Variants in NFIB observed in about 807,000 individuals in gnomAD.
The protein encoded by NFIB is nuclear factor 1 B-type.
In NFIB, 11 loss-of-function variants were observed where a neutral mutation model predicts 61.5. The observed-to-expected ratio is 0.18, with a 90% CI of 0.11 to 0.30. The LOEUF (loss-of-function observed/expected upper bound fraction) is 0.30. Ranked by LOEUF, NFIB falls within the 10% of genes least tolerant of loss-of-function variation. The pLI is 1.00. For missense variants in NFIB, 471 were observed against 608.9 expected, an observed-to-expected ratio of 0.77 and a Z score of 2.38; for synonymous variants, 260 against 216.5, an observed-to-expected ratio of 1.20 and a Z score of -1.76.
At chr9:14,432,436 G>T in the NFIB span, among the ~76,000 whole-genome samples, 1 of 152,220 alleles carries the variant, frequency 6.6e-6, no homozygotes, top group Non-Finnish European at 1.5e-5. Context: ...AGTACATGTT[G>T]TTTCTTTAGC....
chr9:14,131,453 T>C (rs1157206954), intron 6 of NFIB, among the ~76,000 whole-genome samples: 2 of 152,128 alleles, frequency 1.3e-5, no homozygotes, highest in African/African-American at 4.8e-5. Context: ...CTTAAGCAAA[T>C]AAAGAGTTAG....
At chr9:14,483,912 G>A in the NFIB span, among the ~76,000 whole-genome samples, 58 of 152,296 alleles carry the variant, frequency 3.8e-4, no homozygotes, top group African/African-American at 1.3e-3. Context: ...CTTGGCACAA[G>A]GCAGATCATC....
At chr9:14,420,949 G>T in the NFIB span, among the ~76,000 whole-genome samples, 1 of 151,718 alleles carries the variant, frequency 6.6e-6, no homozygotes, top group Admixed American at 6.6e-5. Flanking sequence ...CTGAGAGTAA[G>T]CCATTTTTTT....
intron 2 of NFIB, among the ~76,000 whole-genome samples, chr9:14,219,381 T>TAAACAAAAA: frequency 1.4e-5 from 1 of 73,504 alleles, no homozygotes; most frequent in Non-Finnish European, 2.4e-5. Flanking sequence ...AGCACTAGGG[T>TAAACAAAAA]AAAAAAAAAA....
the NFIB span, among the ~76,000 whole-genome samples, chr9:14,425,607 A>ATTTTTT: frequency 3.0e-5 from 3 of 99,048 alleles, no homozygotes; most frequent in Non-Finnish European, 4.0e-5. Context: ...TTGCTACATA[A>ATTTTTT]TTTTTTTTTT....
chr9:14,377,431 C>T (rs1473273489), intron 1 of NFIB, among the ~76,000 whole-genome samples: 1 of 152,088 alleles, frequency 6.6e-6, no homozygotes, highest in Admixed American at 6.5e-5. Context: ...ATTGTCTATG[C>T]TTGTCTCTAT....
chr9:14,307,043 T>C lies in NFIB; in HGVS notation c.508A>G (p.Thr170Ala). ...AAATCAAGCTCCTTAACTGATACTG[T>C]GATATGATGTGGCTGGACACAAAGT... is the stretch of plus-strand genomic sequence containing the variant. ...PALCVQPHHITVSVKELDLFL... is the reference protein window; with the variant it reads ...PALCVQPHHIAVSVKELDLFL... The change falls in exon 2 of 11, where the codon ACA becomes GCA. Residue 170 changes from threonine (T) to alanine (A), a missense_variant. Transcript: ENST00000380953. This position sits in a 1 kb window ranked among gnomAD's most constrained non-coding sequence, Gnocchi z 5.3. 6.2e-7 allele frequency: 1 copy of C among 1,614,170 alleles called. No individual in the cohort carries two copies. The highest frequency in any genetic ancestry group is 8.5e-7 in the Non-Finnish European group (1 of 1,180,022).
chr9:14,172,804 C>G (rs1347999472), intron 3 of NFIB, among the ~76,000 whole-genome samples: 1 of 151,704 alleles, frequency 6.6e-6, no homozygotes, highest in Non-Finnish European at 1.5e-5. Context: ...GAGTCTCACT[C>G]TGCCACCCAG....
chr9:14,166,208 A>G (rs969770381), intron 3 of NFIB, among the ~76,000 whole-genome samples: 1 of 152,092 alleles, frequency 6.6e-6, no homozygotes, highest in Non-Finnish European at 1.5e-5. Flanking sequence ...TTTTATTCAT[A>G]TATTTATGGT....
the NFIB span, among the ~76,000 whole-genome samples, chr9:14,414,512 T>A: frequency 1.3e-5 from 1 of 74,968 alleles, no homozygotes; most frequent in Non-Finnish European, 2.6e-5. Context: ...ACGTTTTGTA[T>A]TTTTTTTTTT....
the NFIB span, among the ~76,000 whole-genome samples, chr9:14,434,763 G>A: frequency 1.3e-5 from 2 of 152,190 alleles, no homozygotes; most frequent in Non-Finnish European, 2.9e-5. Context: ...ACTTGAAGTA[G>A]TAAGTAGTCT....
At chr9:14,099,706 T>C (rs985948554) in intron 10 of NFIB, among the ~76,000 whole-genome samples, 1 of 152,210 alleles carries the variant, frequency 6.6e-6, no homozygotes. Flanking sequence ...ATAATATCTG[T>C]TCAATGTAGA....
intron 1 of NFIB, among the ~76,000 whole-genome samples, chr9:14,384,596 T>C (rs531710309): frequency 6.6e-6 from 1 of 152,362 alleles, no homozygotes; most frequent in African/African-American, 2.4e-5. Context: ...ACATTACAAA[T>C]GACTACGTTG....
At chr9:14,166,277 ATTCAAGTAACATTTT>A (rs1197169002) in intron 3 of NFIB, among the ~76,000 whole-genome samples, 15 of 152,294 alleles carry the variant, frequency 9.8e-5, no homozygotes, top group Admixed American at 6.5e-4. Context: ...CAGAATAGGT[ATTCAAGTAACATTTT>A]TGCAAATAAA....
chr9:14,189,509 A>G (rs546139691), intron 2 of NFIB, among the ~76,000 whole-genome samples: 1 of 152,238 alleles, frequency 6.6e-6, no homozygotes, highest in South Asian at 2.1e-4. Context: ...ACAACAGTGA[A>G]ATATGCACAA....
At chr9:14,503,611 G>C in the NFIB span, among the ~76,000 whole-genome samples, 1 of 152,030 alleles carries the variant, frequency 6.6e-6, no homozygotes, top group South Asian at 2.1e-4. Flanking sequence ...TATGCTTCTT[G>C]GCCACTTGTA....
upstream of NFIB, chr9:14,314,595 T>C (rs1185264888): frequency 6.6e-6 from 1 of 151,808 alleles, no homozygotes; most frequent in Non-Finnish European, 1.5e-5. Context: ...TCTCTCCAAA[T>C]CAGACTTAAG....
At chr9:14,350,520 G>T (rs927781691) in intron 1 of NFIB, among the ~76,000 whole-genome samples, 1 of 151,552 alleles carries the variant, frequency 6.6e-6, no homozygotes, top group East Asian at 1.9e-4. Context: ...GGGGTGGGGG[G>T]GGAAGTTGGG....
chr9:14,229,319 A>G (rs1219053782), intron 2 of NFIB, among the ~76,000 whole-genome samples: 2 of 152,208 alleles, frequency 1.3e-5, no homozygotes, highest in Non-Finnish European at 2.9e-5. Flanking sequence ...CATCATACCA[A>G]TAGTACCAAC....
Sources: gnomAD v4.1 joint callset for allele counts (sites outside exome capture counted in the v4.1 genomes callset) on GRCh38, gnomAD v4.1.1 for gene constraint, Gnocchi (gnomAD v3.1) non-coding constraint, MANE v1.5 for transcripts, NCBI Gene and HGNC (gene_info 2026-07-23, HGNC 2026-07-21) for gene names.